The following SFT2D1 variants were observed in gnomAD, a reference collection of about 807,000 sequenced individuals.
SFT2D1 encodes the protein SFT2 domain containing 1.
In SFT2D1, 24 loss-of-function variants were observed where a neutral mutation model predicts 28.1. That is an observed-to-expected ratio of 0.85 (90% CI 0.62 to 1.20). The LOEUF is 1.20. SFT2D1 is among the 50% of genes most tolerant of loss of function. The pLI, the probability that SFT2D1 is intolerant of heterozygous loss-of-function variation, is 0.00. For missense variants in SFT2D1, 181 were observed against 190.9 expected (o/e 0.95, Z 0.31); for synonymous variants, 82 against 73.7 (o/e 1.11, Z -0.58).
At position 166,335,024 on chromosome 6, in the gene SFT2D1, G is replaced by A. The variant is rs568099041; in HGVS notation, c.64-4777C>T. On this transcript the variant is annotated intron_variant, in intron 1 of 7. Coordinates refer to ENST00000361731, the MANE Select transcript of SFT2D1 (RefSeq NM_145169.3). ...TGCCAAGAAAAGGGGCTATGCCTTC[G>A]TGCCTCTGACAACCACGACGCTGTG... 78 of 505,978 alleles carry A rather than the reference G, an allele frequency of 1.5e-4. No homozygotes were observed. The East Asian group carries it at 2.0e-3, about 13-fold the overall frequency. The allele number at this position is 505,978 out of a possible 1,614,324, so 31.3% of individuals were successfully genotyped here.
intron 4 of SFT2D1, among the ~76,000 whole-genome samples, chr6:166,326,668 TG>T (rs1778450069): frequency 6.6e-6 from 1 of 152,216 alleles, no homozygotes. Flanking sequence ...AGCTGGCATG[TG>T]GAAGGCTCTA....
chr6:166,334,227 G>T (rs1162320840), intron 1 of SFT2D1, among the ~76,000 whole-genome samples: 1 of 152,176 alleles, frequency 6.6e-6, no homozygotes, highest in Non-Finnish European at 1.5e-5. Context: ...ACTGAGTGCT[G>T]CTATGTGCCT....
chr6:166,334,880 C>T (rs1476979156), intron 1 of SFT2D1: 2 of 417,646 alleles, frequency 4.8e-6, no homozygotes, highest in Admixed American at 5.4e-5. Context: ...GACGAGGTGC[C>T]CAACTGTGAA....
At chr6:166,324,638 T>C in intron 5 of SFT2D1, 43 bp from the exon 6 acceptor site, 1 of 1,555,832 alleles carries the variant, frequency 6.4e-7, no homozygotes, top group Non-Finnish European at 8.8e-7. Context: ...TTCAAAGTTT[T>C]AAAAACATCT....
intron 3 of SFT2D1, 76 bp from the exon 4 acceptor site, chr6:166,328,433 T>TA: frequency 5.0e-6 from 4 of 792,336 alleles, no homozygotes; most frequent in Non-Finnish European, 7.5e-6. Flanking sequence ...ACTACTTTTT[T>TA]AAAAAAGAAG....
rs768493968 is a variant in SFT2D1, at chr6:166,337,935, A to G, written c.63+4484T>C. On this transcript the variant is annotated intron_variant, in intron 1 of 7. Transcript: ENST00000361731. ...CCTCATGAATGGGATCCACGCCCTA[A>G]TAAGACGAGAAAGAGACTAAAGCTC... is the stretch of plus-strand genomic sequence containing the variant. Among the ~76,000 whole-genome samples the G allele has an allele frequency of 3.6e-4, 55 of 152,246 alleles. 1 individual carries two copies. Among genetic ancestry groups the G allele is most frequent in the Non-Finnish European group, 6.9e-4 (47 of 68,016 alleles).
chr6:166,342,192 GGGAGAGTC>G (rs1004891421), intron 1 of SFT2D1, among the ~76,000 whole-genome samples: 14 of 136,596 alleles, frequency 1.0e-4, no homozygotes, highest in African/African-American at 3.3e-4. Flanking sequence ...AAGGCCAGAT[GGGAGAGTC>G]GGGGGGGGGC....
chr6:166,341,591 A>G (rs1194515826), intron 1 of SFT2D1, among the ~76,000 whole-genome samples: 1 of 151,544 alleles, frequency 6.6e-6, no homozygotes, highest in Non-Finnish European at 1.5e-5. Flanking sequence ...CCAAGTGCTG[A>G]GTAAGTATAA....
At chr6:166,340,935 C>T (rs1401619448) in intron 1 of SFT2D1, among the ~76,000 whole-genome samples, 4 of 152,200 alleles carry the variant, frequency 2.6e-5, no homozygotes, top group Non-Finnish European at 4.4e-5. Flanking sequence ...ACATATCTTT[C>T]TCCCCTCTAG....
chr6:166,339,485 C>A (rs1562448073), intron 1 of SFT2D1, among the ~76,000 whole-genome samples: 1 of 152,300 alleles, frequency 6.6e-6, no homozygotes, highest in East Asian at 1.9e-4. Flanking sequence ...CATCCTTCAA[C>A]TACCACCCAC....
chr6:166,334,828 A>G, intron 1 of SFT2D1: 1 of 428,128 alleles, frequency 2.3e-6, no homozygotes, highest in Non-Finnish European at 4.5e-6. Context: ...AGGTGGATGA[A>G]GAGTTGTGGA....
chr6:166,321,324 C>T lies in SFT2D1; in HGVS notation c.441-1068G>A, dbSNP rs1778351539. ...GGCAAAATCTGTACATTGCTTATTGCTCTCGAGTGTGGGATCCTGTGTCTG... is the reference window on the plus strand; with the variant it reads ...GGCAAAATCTGTACATTGCTTATTGTTCTCGAGTGTGGGATCCTGTGTCTG... On this transcript the variant is annotated intron_variant, in intron 7 of 7. Transcript: ENST00000361731. Among the ~76,000 whole-genome samples the T allele has an allele frequency of 1.3e-5, 2 of 152,200 alleles. 1 individual carries two copies. The highest frequency in any genetic ancestry group is 4.1e-4 in the South Asian group (2 of 4,832).
In SFT2D1 at chr6:166,321,799, A is replaced by T. The variant is rs1258599682; in HGVS notation, c.440+1058T>A. Among the ~76,000 whole-genome samples the T allele has an allele frequency of 2.6e-5, 4 of 152,248 alleles. No homozygotes were observed. The East Asian group carries it at 7.7e-4, about 29-fold the overall frequency. ...ATACATTTCTCTGGAAAAATATTTT[A>T]AAATGCCGGTTACCTCTTGACATAC... On this transcript the variant is annotated intron_variant, in intron 7 of 7. Transcript: ENST00000361731.
intron 1 of SFT2D1, among the ~76,000 whole-genome samples, chr6:166,339,238 C>G (rs565405120): frequency 9.2e-4 from 140 of 152,240 alleles, no homozygotes; most frequent in Admixed American, 1.9e-3. Context: ...GGGCTCTCCC[C>G]TGTGAATCCT....
chr6:166,342,505 G>T lies in SFT2D1; in HGVS notation c.-24C>A. 1 of 1,540,210 alleles carries T rather than the reference G, an allele frequency of 6.5e-7. No homozygotes were observed. On this transcript the variant is annotated 5_prime_UTR_variant, in exon 1 of 8. Transcript: ENST00000361731. ...ATGGCCCTGTTACAGGGCCGTAGCG[G>T]CCGCCACTCTGTTGCCTGCCCCTGA...
intron 4 of SFT2D1, among the ~76,000 whole-genome samples, chr6:166,327,744 C>A (rs765324520): frequency 7.9e-5 from 12 of 152,196 alleles, no homozygotes; most frequent in Non-Finnish European, 1.3e-4. Flanking sequence ...AGGCTTTACC[C>A]AGCCAGTAGT....
intron 5 of SFT2D1, 91 bp from the exon 6 acceptor site, chr6:166,324,686 AGAT>A (rs1412453793): frequency 2.6e-6 from 3 of 1,147,258 alleles, no homozygotes; most frequent in South Asian, 3.0e-5. Context: ...TCAAAAATGT[AGAT>A]GATGGCTTCA....
intron 5 of SFT2D1, chr6:166,325,885 C>A: frequency 2.4e-5 from 13 of 539,844 alleles, no homozygotes; most frequent in South Asian, 7.8e-5. Context: ...CACATTTAGC[C>A]ACCAGCTGGG....
intron 4 of SFT2D1, among the ~76,000 whole-genome samples, chr6:166,327,857 A>G (rs546748754): frequency 1.3e-5 from 2 of 152,156 alleles, no homozygotes; most frequent in South Asian, 4.2e-4. Context: ...CTGGAGTGCA[A>G]TGGTGTGATC....
Sources: gnomAD v4.1 joint callset for allele counts (sites outside exome capture counted in the v4.1 genomes callset) on GRCh38, gnomAD v4.1.1 for gene constraint, MANE v1.5 for transcripts, NCBI Gene and HGNC (gene_info 2026-07-23, HGNC 2026-07-21) for gene names.